Variants in CDH1 observed in about 807,000 individuals in gnomAD.
CDH1 encodes cadherin 1, also known as cadherin-1.
CDH1 carries 35 observed loss-of-function variants against 84.5 expected under a neutral mutation model. The observed-to-expected ratio is 0.41, with a 90% CI of 0.32 to 0.55. The LOEUF is 0.55. Ranked by LOEUF, CDH1 falls within the 20% of genes least tolerant of loss-of-function variation. The pLI is 0.19. For synonymous variants in CDH1, 417 were observed against 439.0 expected (o/e 0.95, Z 0.63); for missense variants, 994 against 1,126.6 (o/e 0.88, Z 1.68).
At chr16:68,750,172 G>T (rs192826445) in intron 2 of CDH1, among the ~76,000 whole-genome samples, 1,583 of 20,226 alleles carry the variant, frequency 0.078, 19 homozygotes, top group Non-Finnish European at 0.16. Context: ...CCTTTGGAAG[G>T]CCTCTTTTGT....
At chr16:68,750,027 G>A (rs1365041161) in intron 2 of CDH1, among the ~76,000 whole-genome samples, 1 of 151,726 alleles carries the variant, frequency 6.6e-6, no homozygotes, top group African/African-American at 2.4e-5. Context: ...GGAGTGCAGT[G>A]GTTTGAACTC....
chr16:68,818,802 A>G lies in CDH1; in HGVS notation c.1566-478A>G, dbSNP rs546499126. ...GAGGTGGAGCTTGCAGCGAGCCGACATCGCGCCACTGCACTCCAGCTTGGG... is the reference window on the plus strand; with the variant it reads ...GAGGTGGAGCTTGCAGCGAGCCGACGTCGCGCCACTGCACTCCAGCTTGGG... On this transcript the variant is annotated intron_variant, in intron 10 of 15. Transcript: ENST00000261769. Among the ~76,000 whole-genome samples the G allele has an allele frequency of 2.5e-4, 36 of 143,386 alleles. No individual in the cohort carries two copies. The East Asian group carries it at 7.1e-3, about 28-fold the overall frequency. 94.1% of individuals were successfully genotyped at this position (143,386 alleles called of 152,430 possible).
At chr16:68,782,208 C>CG (rs1959904891) in intron 2 of CDH1, among the ~76,000 whole-genome samples, 1 of 152,114 alleles carries the variant, frequency 6.6e-6, no homozygotes, top group African/African-American at 2.4e-5. Flanking sequence ...AGGGCGTGGA[C>CG]GGGGGCCACA....
rs1383984119 is a variant in CDH1, at chr16:68,745,566, A to ATATATATATATG, written c.163+7164_163+7165insATGTATATATAT. On this transcript the variant is annotated intron_variant, in intron 2 of 15. Transcript: ENST00000261769. ...AAAAAAAAAATATATATATATATGTATATATATATGTATGTGTAATATATG... is the reference window on the plus strand; with the variant it reads ...AAAAAAAAAATATATATATATATGTATATATATATATGTATATATATGTATGTGTAATATATG... 2.1e-4 allele frequency among the ~76,000 whole-genome samples: 4 copies of ATATATATATATG among 18,806 alleles called. 1 individual carries two copies. The East Asian group carries it at 4.2e-3, about 20-fold the overall frequency. 12.3% of individuals were successfully genotyped at this position (18,806 alleles called of 152,430 possible).
intron 2 of CDH1, among the ~76,000 whole-genome samples, chr16:68,750,150 C>CTTTTTTTTTTTTTTTTCTTT (rs34551002): frequency 1.3e-5 from 1 of 79,096 alleles, no homozygotes; most frequent in Non-Finnish European, 2.6e-5. Flanking sequence ...TAGAATTCAG[C>CTTTTTTTTTTTTTTTTCTTT]TTTTTTTTTT....
At chr16:68,767,765 G>C (rs550313878) in intron 2 of CDH1, among the ~76,000 whole-genome samples, 1 of 152,034 alleles carries the variant, frequency 6.6e-6, no homozygotes, top group Admixed American at 6.6e-5. Context: ...TCTCAGATAG[G>C]GTTAAGGAAA....
At chr16:68,799,965 G>A (rs1481906064) in intron 2 of CDH1, among the ~76,000 whole-genome samples, 3 of 151,286 alleles carry the variant, frequency 2.0e-5, no homozygotes, top group Non-Finnish European at 4.4e-5. Context: ...AGCCGAGATC[G>A]TGCCACTGCA....
intron 9 of CDH1, 70 bp from the exon 10 acceptor site, chr16:68,815,445 G>T (rs2152134575): frequency 6.3e-7 from 1 of 1,597,266 alleles, no homozygotes; most frequent in South Asian, 1.1e-5. Context: ...AACAGTTAAG[G>T]ATTTAATTTT....
intron 2 of CDH1, among the ~76,000 whole-genome samples, chr16:68,764,780 G>A (rs867030597): frequency 6.6e-5 from 10 of 152,262 alleles, no homozygotes; most frequent in East Asian, 1.9e-4. Flanking sequence ...TGGCCAGGGA[G>A]CCCCTTCCTT....
intron 2 of CDH1, among the ~76,000 whole-genome samples, chr16:68,757,519 T>A (rs1180481349): frequency 1.3e-5 from 2 of 152,208 alleles, no homozygotes; most frequent in Non-Finnish European, 2.9e-5. Context: ...GGGAAGCTGT[T>A]GAACCTAGGA....
At chr16:68,770,270 G>T (rs927294057) in intron 2 of CDH1, among the ~76,000 whole-genome samples, 2 of 152,044 alleles carry the variant, frequency 1.3e-5, no homozygotes, top group Non-Finnish European at 2.9e-5. Flanking sequence ...TCTTCCACAA[G>T]ACATCGCCTG....
At chr16:68,739,780 A>C (rs1962510349) in intron 2 of CDH1, among the ~76,000 whole-genome samples, 1 of 151,716 alleles carries the variant, frequency 6.6e-6, no homozygotes, top group African/African-American at 2.4e-5. Flanking sequence ...TGCCCAGCTA[A>C]TTTTTTGTAG....
chr16:68,810,727 G>A (rs144500964), intron 6 of CDH1, among the ~76,000 whole-genome samples: 3 of 151,860 alleles, frequency 2.0e-5, no homozygotes, highest in Non-Finnish European at 2.9e-5. Flanking sequence ...TTAGCCGGTC[G>A]TGGTGGCGGG....
At chr16:68,766,571 G>A (rs1200432705) in intron 2 of CDH1, among the ~76,000 whole-genome samples, 1 of 152,140 alleles carries the variant, frequency 6.6e-6, no homozygotes, top group African/African-American at 2.4e-5. Flanking sequence ...AATGTCATGT[G>A]TGCACTCAGA....
At chr16:68,769,715 TC>T (rs1258480463) in intron 2 of CDH1, among the ~76,000 whole-genome samples, 1 of 151,100 alleles carries the variant, frequency 6.6e-6, no homozygotes, top group Non-Finnish European at 1.5e-5. Flanking sequence ...ATCGCCGGAG[TC>T]CAGGAGTTCA....
chr16:68,748,647 C>CA (rs1962810210), intron 2 of CDH1, among the ~76,000 whole-genome samples: 1 of 152,092 alleles, frequency 6.6e-6, no homozygotes, highest in Admixed American at 6.5e-5. Context: ...GATGAATTTC[C>CA]ATAGGTGAGC....
At chr16:68,761,009 T>G (rs1431082255) in intron 2 of CDH1, among the ~76,000 whole-genome samples, 1 of 152,116 alleles carries the variant, frequency 6.6e-6, no homozygotes, top group Non-Finnish European at 1.5e-5. Flanking sequence ...GGATGGTGAC[T>G]CAGATAGGTC....
chr16:68,829,650 A>G lies in CDH1; in HGVS notation c.2296-4A>G, dbSNP rs1185308299. ...CATTGTACTTCAACCTTTTTTCTCC[A>G]AAGGACTTTGACTTGAGCCAGCTGC... On this transcript the variant is annotated splice_region_variant and splice_polypyrimidine_tract_variant and intron_variant, in intron 14 of 15. Coordinates refer to ENST00000261769, the MANE Select transcript of CDH1 (RefSeq NM_004360.5). 6.2e-7 allele frequency: 1 copy of G among 1,614,018 alleles called. No individual in the cohort carries two copies. Among genetic ancestry groups the G allele is most frequent in the Non-Finnish European group, 8.5e-7 (1 of 1,179,974 alleles).
chr16:68,749,548 CAA>C (rs1260366100), intron 2 of CDH1, among the ~76,000 whole-genome samples: 1 of 152,216 alleles, frequency 6.6e-6, no homozygotes, highest in Non-Finnish European at 1.5e-5. Flanking sequence ...AGATGAAAGA[CAA>C]CTATTTGTGT....
Sources: gnomAD v4.1 joint callset for allele counts (sites outside exome capture counted in the v4.1 genomes callset) on GRCh38, gnomAD v4.1.1 for gene constraint, MANE v1.5 for transcripts, NCBI Gene and HGNC (gene_info 2026-07-23, HGNC 2026-07-21) for gene names.